The following MID1 variants were observed in gnomAD, a reference collection of about 807,000 sequenced individuals.
MID1 encodes midline 1, also known as E3 ubiquitin-protein ligase Midline-1.
In MID1, 7 loss-of-function variants were observed where a neutral mutation model predicts 40.4. That is an observed-to-expected ratio of 0.17 (90% CI 0.10 to 0.33). The LOEUF (loss-of-function observed/expected upper bound fraction) is 0.33. Ranked by LOEUF, MID1 falls within the 10% of genes least tolerant of loss-of-function variation. The pLI is 1.00. For synonymous variants in MID1, 229 were observed against 221.2 expected (o/e 1.04, Z -0.31); for missense variants, 367 against 558.5 (o/e 0.66, Z 3.46).
intron 1 of MID1, among the ~76,000 whole-genome samples, chrX:10,765,719 C>A (rs1307909468): frequency 9.0e-6 from 1 of 110,915 alleles, no homozygotes; most frequent in Non-Finnish European, 1.9e-5. Flanking sequence ...AGAAACATCA[C>A]TGTTTTTAAA....
chrX:10,531,794 C>T (rs1323465250), intron 2 of MID1, among the ~76,000 whole-genome samples: 1 of 111,708 alleles, frequency 9.0e-6, no homozygotes, highest in Non-Finnish European at 1.9e-5. Context: ...CTAGTTATTT[C>T]CAGGTATTAG....
chrX:10,509,671 G>C (rs1005003861), intron 3 of MID1, among the ~76,000 whole-genome samples: 3 of 111,774 alleles, frequency 2.7e-5, no homozygotes, highest in Non-Finnish European at 5.6e-5. Context: ...GGGATTTGTG[G>C]CTACTGAGGT....
rs1222764262 is a variant in MID1, at chrX:10,448,669, G to A, written c.*699C>T. ...TCCAGAACCCTTAACCCTGAGAGAA[G>A]CAGGGCAAAATGTGGCCAAAGGATT... On this transcript the variant is annotated 3_prime_UTR_variant, in exon 10 of 10. Coordinates refer to ENST00000317552, the MANE Select transcript of MID1 (RefSeq NM_000381.4). 1.8e-5 allele frequency: 2 copies of A among 111,986 alleles called. No homozygotes were observed. Among genetic ancestry groups the A allele is most frequent in the African/African-American group, 6.5e-5 (2 of 30,758 alleles). The allele number at this position is 111,986 out of a possible 1,213,427, so 9.2% of individuals were successfully genotyped here.
intron 1 of MID1, among the ~76,000 whole-genome samples, chrX:10,735,533 C>T (rs892566038): frequency 8.9e-6 from 1 of 112,049 alleles, no homozygotes; most frequent in African/African-American, 3.2e-5. Flanking sequence ...AATCTTTTAT[C>T]TGTTGTCTCT....
chrX:10,596,092 T>C (rs1935405669), intron 1 of MID1, among the ~76,000 whole-genome samples: 1 of 112,250 alleles, frequency 8.9e-6, no homozygotes, highest in African/African-American at 3.2e-5. Flanking sequence ...GTATTTCAAC[T>C]ACTTCTAAAC....
chrX:10,767,700 A>G (rs1259081210), intron 1 of MID1, among the ~76,000 whole-genome samples: 1 of 111,981 alleles, frequency 8.9e-6, no homozygotes, highest in African/African-American at 3.2e-5. Flanking sequence ...ACTGTTTGGT[A>G]AATAATACTG....
intron 1 of MID1, among the ~76,000 whole-genome samples, chrX:10,713,982 T>C (rs1345009947): frequency 8.9e-6 from 1 of 111,832 alleles, no homozygotes; most frequent in Non-Finnish European, 1.9e-5. Flanking sequence ...TATGTCAGTA[T>C]TTACGTGCCC....
intron 1 of MID1, among the ~76,000 whole-genome samples, chrX:10,649,383 C>T (rs1443570897): frequency 8.9e-6 from 1 of 111,812 alleles, no homozygotes; most frequent in Non-Finnish European, 1.9e-5. Flanking sequence ...TTCCATCTGG[C>T]GGGGCTGGTT....
chrX:10,475,704 G>A (rs1464121665), intron 5 of MID1, among the ~76,000 whole-genome samples: 2 of 111,975 alleles, frequency 1.8e-5, no homozygotes, highest in Non-Finnish European at 3.8e-5. Flanking sequence ...TATTATATGC[G>A]GAGTATTGCG....
At chrX:10,509,400 T>TA (rs1932002464) in intron 3 of MID1, among the ~76,000 whole-genome samples, 1 of 111,909 alleles carries the variant, frequency 8.9e-6, no homozygotes, top group Non-Finnish European at 1.9e-5. Flanking sequence ...AGTGACTATC[T>TA]AACTATTTTT....
In MID1 at chrX:10,449,574, G is replaced by T; in HGVS notation, c.1798C>A (p.His600Asn). The change falls in exon 10 of 10, where the codon CAC becomes AAC. Residue 600 changes from histidine to asparagine, a missense_variant. Physicochemically the swap from His to Asn is moderately conservative, Grantham distance 68 (BLOSUM62 1). Coordinates refer to ENST00000317552, the MANE Select transcript of MID1 (RefSeq NM_000381.4). ...SKEIPIEPAP[H>N]LRRVGILLDY... ...AGCAGGATGCCCACGCGCCGGAGGT[G>T]GGGGGCAGGCTCAATGGGGATTTCC... 6.6e-6 allele frequency: 8 copies of T among 1,211,500 alleles called. No homozygotes were observed. In the South Asian group the frequency reaches 7.0e-5, roughly 11 times the overall value.
intron 1 of MID1, among the ~76,000 whole-genome samples, chrX:10,753,018 G>A (rs762441741): frequency 8.9e-6 from 1 of 111,741 alleles, no homozygotes; most frequent in African/African-American, 3.3e-5. Flanking sequence ...CTGTGGCCCT[G>A]TTTGCTCAAA....
chrX:10,735,321 C>G (rs907645412), intron 1 of MID1, among the ~76,000 whole-genome samples: 2 of 111,992 alleles, frequency 1.8e-5, no homozygotes, highest in African/African-American at 6.5e-5. Context: ...AGGCCGGTCT[C>G]AAACTCCCAA....
chrX:10,719,875 GC>G (rs1365431196), intron 1 of MID1, among the ~76,000 whole-genome samples: 1 of 111,064 alleles, frequency 9.0e-6, no homozygotes, highest in African/African-American at 3.3e-5. Context: ...ACAGAACAGG[GC>G]CCTCAGAAAT....
intron 3 of MID1, among the ~76,000 whole-genome samples, chrX:10,509,903 A>G (rs1932029001): frequency 1.8e-5 from 2 of 112,042 alleles, no homozygotes; most frequent in Admixed American, 9.4e-5. Flanking sequence ...TGTCCTATTT[A>G]CCCAGGAGTC....
At chrX:10,790,272 G>A (rs2043919476) in intron 1 of MID1, among the ~76,000 whole-genome samples, 1 of 109,770 alleles carries the variant, frequency 9.1e-6, no homozygotes, top group Non-Finnish European at 1.9e-5. Context: ...AGCCTCCCAA[G>A]TAGCTGGGAC....
chrX:10,600,925 G>A (rs781335310), intron 1 of MID1, among the ~76,000 whole-genome samples: 105 of 111,377 alleles, frequency 9.4e-4, no homozygotes, highest in South Asian at 3.8e-3. Flanking sequence ...CAAGCGCAAT[G>A]AAAAATTCCC....
chrX:10,643,504 G>C (rs1392950911), intron 1 of MID1, among the ~76,000 whole-genome samples: 5 of 112,003 alleles, frequency 4.5e-5, no homozygotes. Context: ...TCATTAAAAA[G>C]TCAGGAAACA....
chrX:10,777,174 A>C (rs1157166682), intron 1 of MID1, among the ~76,000 whole-genome samples: 4 of 111,799 alleles, frequency 3.6e-5, no homozygotes, highest in Non-Finnish European at 5.6e-5. Flanking sequence ...TGCCTGGAGA[A>C]GTTACGTACT....
Sources: gnomAD v4.1 joint callset for allele counts (sites outside exome capture counted in the v4.1 genomes callset) on GRCh38, gnomAD v4.1.1 for gene constraint, MANE v1.5 for transcripts, NCBI Gene and HGNC (gene_info 2026-07-23, HGNC 2026-07-21) for gene names.